PCDH15: variants seen among roughly 807,000 people sequenced by gnomAD.
PCDH15 encodes the protein protocadherin-15.
A neutral mutation model predicts 178.5 loss-of-function variants in PCDH15; 129 were observed. The ratio of observed to expected loss-of-function variants is 0.72; its 90% confidence interval spans 0.63 to 0.84. PCDH15 has a LOEUF of 0.84. Among genes scored for constraint, PCDH15 ranks in the 40% least tolerant of loss-of-function variants. PCDH15 has a pLI of 0.00. For synonymous variants in PCDH15, 800 were observed against 732.0 expected, an observed-to-expected ratio of 1.09 and a Z score of -1.50; for missense variants, 2,230 against 2,099.9, an observed-to-expected ratio of 1.06 and a Z score of -1.21.
At chr10:55,328,913 CATAT>C (rs56104592) in intron 2 of PCDH15, among the ~76,000 whole-genome samples, 11,109 of 110,892 alleles carry the variant, frequency 0.1, 1,013 homozygotes, top group African/African-American at 0.25. Context: ...TTCACACAAA[CATAT>C]ATATATATAT....
chr10:54,853,949 G>T (rs1953689541), intron 3 of PCDH15, among the ~76,000 whole-genome samples: 1 of 152,188 alleles, frequency 6.6e-6, no homozygotes, highest in Non-Finnish European at 1.5e-5. Context: ...GGCCCGCTGG[G>T]TTCGTTTTGC....
rs188473959 is a variant in PCDH15 at position 54,450,560 on chromosome 10, T to C, written c.158-71618A>G. The stretch of plus-strand genomic sequence containing the variant: ...CAGGCTGGTCTATGGCTTCCTTAAA[T>C]TAACCCTGCCTCTTCTCTTACAAAA... On this transcript the variant is annotated intron_variant, in intron 3 of 37. Coordinates refer to ENST00000644397, the MANE Select transcript of PCDH15 (RefSeq NM_001384140.1). Among the ~76,000 whole-genome samples the C allele has an allele frequency of 2.2e-3, 338 of 151,938 alleles. 1 individual carries two copies. Among genetic ancestry groups the C allele is most frequent in the African/African-American group, 7.6e-3 (315 of 41,524 alleles).
chr10:55,269,178 T>A (rs1842375948), intron 1 of PCDH15, among the ~76,000 whole-genome samples: 1 of 151,884 alleles, frequency 6.6e-6, no homozygotes. Flanking sequence ...CAACACCATA[T>A]GGAATGGGCA....
intron 26 of PCDH15, among the ~76,000 whole-genome samples, chr10:53,895,465 A>T (rs2081890005): frequency 6.6e-6 from 1 of 152,220 alleles, no homozygotes; most frequent in African/African-American, 2.4e-5. Flanking sequence ...TAGAATATTC[A>T]AAATCTTTTT....
At chr10:55,092,894 T>A (rs1842351941) in intron 2 of PCDH15, among the ~76,000 whole-genome samples, 1 of 151,990 alleles carries the variant, frequency 6.6e-6, no homozygotes, top group African/African-American at 2.4e-5. Context: ...CATTCTCATA[T>A]CTAATGCAGA....
intron 2 of PCDH15, among the ~76,000 whole-genome samples, chr10:54,634,385 G>T (rs1378970508): frequency 1.3e-5 from 2 of 151,976 alleles, no homozygotes; most frequent in Admixed American, 1.3e-4. Flanking sequence ...TTCCTTTCTT[G>T]AAGTCAGCAG....
intron 3 of PCDH15, among the ~76,000 whole-genome samples, chr10:54,506,610 A>G (rs2081190970): frequency 6.6e-6 from 1 of 152,052 alleles, no homozygotes; most frequent in South Asian, 2.1e-4. Flanking sequence ...TGGGTCTAAT[A>G]GAATAACAAA....
At chr10:54,697,801 A>C (rs1393870339) in intron 1 of PCDH15, among the ~76,000 whole-genome samples, 1 of 151,776 alleles carries the variant, frequency 6.6e-6, no homozygotes, top group Non-Finnish European at 1.5e-5. Context: ...GGGAGAGTGA[A>C]AAAAAGAAAA....
chr10:54,144,655 A>G (rs1043944387), intron 14 of PCDH15, among the ~76,000 whole-genome samples: 3 of 152,144 alleles, frequency 2.0e-5, no homozygotes, highest in Admixed American at 6.6e-5. Context: ...TTCCTTGCCT[A>G]TAATTGCTGT....
At chr10:54,556,124 G>A (rs1021368940) in intron 2 of PCDH15, among the ~76,000 whole-genome samples, 1 of 152,108 alleles carries the variant, frequency 6.6e-6, no homozygotes, top group African/African-American at 2.4e-5. Flanking sequence ...AAAATATTTA[G>A]CCCTGTTTTC....
chr10:55,232,232 A>C lies in PCDH15; in HGVS notation c.-155-65581T>G, dbSNP rs561341915. On this transcript the variant is annotated intron_variant, in intron 1 of 5. Coordinates refer to the PCDH15 transcript ENST00000458638. The stretch of plus-strand genomic sequence containing the variant: ...TATGTTATATTTAGATATCATTGGG[A>C]GTAATTTTATCATTCAATTTGTAAA... Among the ~76,000 whole-genome samples, 5 of 152,100 alleles carry C rather than the reference A, an allele frequency of 3.3e-5. No homozygotes were observed. In the South Asian group the frequency reaches 1.0e-3, roughly 32 times the overall value.
chr10:53,914,655 C>T, intron 25 of PCDH15, among the ~76,000 whole-genome samples: 1 of 152,036 alleles, frequency 6.6e-6, no homozygotes, highest in East Asian at 1.9e-4. Context: ...AGGAGAAATA[C>T]CTAATGTAAA....
chr10:54,299,998 C>G (rs182086943), intron 8 of PCDH15, among the ~76,000 whole-genome samples: 4 of 152,292 alleles, frequency 2.6e-5, no homozygotes, highest in Non-Finnish European at 4.4e-5. Flanking sequence ...ACCACACACT[C>G]TTAAAGGAAT....
At chr10:54,201,269 T>C (rs903473314) in intron 10 of PCDH15, among the ~76,000 whole-genome samples, 2 of 152,172 alleles carry the variant, frequency 1.3e-5, no homozygotes, top group African/African-American at 4.8e-5. Context: ...AAACTTGAGA[T>C]GAAAAAATAC....
chr10:55,146,053 A>G (rs948765796), intron 2 of PCDH15, among the ~76,000 whole-genome samples: 4 of 151,998 alleles, frequency 2.6e-5, no homozygotes, highest in Non-Finnish European at 5.9e-5. Flanking sequence ...TTTTCTGTAT[A>G]ATCAGCTGAT....
intron 2 of PCDH15, among the ~76,000 whole-genome samples, chr10:55,004,446 CT>C (rs1269030371): frequency 5.3e-5 from 8 of 152,082 alleles, no homozygotes. Context: ...ATCTGAATTC[CT>C]TTCTCAGGAA....
intron 10 of PCDH15, among the ~76,000 whole-genome samples, chr10:54,207,132 G>T (rs1462976247): frequency 1.3e-5 from 2 of 152,058 alleles, no homozygotes; most frequent in Non-Finnish European, 2.9e-5. Context: ...GTCAGTTTGT[G>T]CTTTTTGACA....
intron 21 of PCDH15, among the ~76,000 whole-genome samples, chr10:53,994,320 G>A (rs1299643605): frequency 1.3e-5 from 2 of 152,050 alleles, no homozygotes; most frequent in African/African-American, 4.8e-5. Context: ...TAAATTCTGT[G>A]CTGATGAAAA....
chr10:54,047,527 C>T lies in PCDH15; in HGVS notation c.2220+19230G>A, dbSNP rs750407730. ...ATTGCCCATGTAGTGAGCATAGTAC[C>T]CAATGGTTGTTTTTTTCAGTTTTCA... is the stretch of plus-strand genomic sequence containing the variant. On this transcript the variant is annotated intron_variant, in intron 18 of 37. Transcript: ENST00000644397. Among the ~76,000 whole-genome samples the T allele has an allele frequency of 7.2e-4, 110 of 151,868 alleles. No individual in the cohort carries two copies. The Middle Eastern group carries it at 0.02, about 28-fold the overall frequency.
Sources: allele counts gnomAD v4.1 joint callset (sites outside exome capture counted in the v4.1 genomes callset), GRCh38; gene constraint gnomAD v4.1.1; transcripts MANE v1.5; gene names NCBI Gene and HGNC (gene_info 2026-07-23, HGNC 2026-07-21).